KIF6: variants seen among roughly 807,000 people sequenced by gnomAD.
KIF6 encodes kinesin-like protein KIF6.
KIF6 carries 106 observed loss-of-function variants against 112.7 expected under a neutral mutation model. The observed-to-expected ratio is 0.94, with a 90% CI of 0.80 to 1.11. KIF6 has a LOEUF of 1.11. Ranked by LOEUF, KIF6 falls within the 50% of genes least tolerant of loss-of-function variation. KIF6 has a pLI of 0.00. For missense variants in KIF6, 929 were observed against 964.0 expected (o/e 0.96, Z 0.48); for synonymous variants, 339 against 339.9 (o/e 1.00, Z 0.03).
intron 9 of KIF6, among the ~76,000 whole-genome samples, chr6:39,584,249 C>T (rs971236557): frequency 6.6e-6 from 1 of 151,068 alleles, no homozygotes; most frequent in Non-Finnish European, 1.5e-5. Context: ...CAGTGAAACC[C>T]CGTCTCTACT....
At chr6:39,372,401 T>A (rs1320890904) in intron 16 of KIF6, among the ~76,000 whole-genome samples, 1 of 152,224 alleles carries the variant, frequency 6.6e-6, no homozygotes, top group Non-Finnish European at 1.5e-5. Flanking sequence ...AATTTTCTGT[T>A]TTCACCTTTA....
At chr6:39,550,118 A>G (rs936238077) in intron 10 of KIF6, among the ~76,000 whole-genome samples, 5 of 152,206 alleles carry the variant, frequency 3.3e-5, no homozygotes, top group Non-Finnish European at 5.9e-5. Flanking sequence ...TTTTATGATT[A>G]TGTTATGTTT....
In KIF6 at chr6:39,402,394, G is replaced by A. The variant is rs80249440; in HGVS notation, c.1811-16722C>T. Among the ~76,000 whole-genome samples the A allele has an allele frequency of 8.4e-3, 1,285 of 152,264 alleles. 18 individuals are homozygous for A. The highest frequency in any genetic ancestry group is 0.027 in the Middle Eastern group (8 of 294). On this transcript the variant is annotated intron_variant, in intron 15 of 22. Coordinates refer to ENST00000287152, the MANE Select transcript of KIF6 (RefSeq NM_145027.6). ...GCTGTGCCCGGCAGAAACTTGCAGT[G>A]ATTTAGGAAGTCAGGGAGAGACATT... is the stretch of plus-strand genomic sequence containing the variant.
chr6:39,356,682 G>A (rs1764715705), intron 19 of KIF6, among the ~76,000 whole-genome samples: 1 of 152,150 alleles, frequency 6.6e-6, no homozygotes, highest in South Asian at 2.1e-4. Flanking sequence ...ATACTATCCT[G>A]GCCTCTGGCA....
intron 6 of KIF6, among the ~76,000 whole-genome samples, chr6:39,602,190 A>T (rs1479785468): frequency 6.6e-6 from 1 of 152,126 alleles, no homozygotes; most frequent in Non-Finnish European, 1.5e-5. Flanking sequence ...TAGGGCTTGT[A>T]TCAAAAATAT....
intron 6 of KIF6, among the ~76,000 whole-genome samples, chr6:39,606,290 C>A (rs577277467): frequency 2.6e-5 from 4 of 151,952 alleles, no homozygotes; most frequent in African/African-American, 9.6e-5. Context: ...TTGGGCTCTT[C>A]TATAATATTA....
At chr6:39,523,714 T>C (rs1244009846) in intron 13 of KIF6, among the ~76,000 whole-genome samples, 1 of 133,044 alleles carries the variant, frequency 7.5e-6, no homozygotes, top group Non-Finnish European at 1.6e-5. Flanking sequence ...TCTTTGAAGA[T>C]GTTGTTCAAC....
intron 3 of KIF6, among the ~76,000 whole-genome samples, chr6:39,694,123 G>A (rs1788386507): frequency 2.9e-5 from 2 of 68,026 alleles, no homozygotes; most frequent in Non-Finnish European, 3.9e-5. Context: ...ATCCCTTCAT[G>A]GTAAAAAAAA....
chr6:39,526,606 C>G (rs1314096655), intron 13 of KIF6, among the ~76,000 whole-genome samples: 4 of 152,210 alleles, frequency 2.6e-5, no homozygotes. Flanking sequence ...TTCTCTCTCT[C>G]CCCCACAACC....
intron 10 of KIF6, among the ~76,000 whole-genome samples, chr6:39,562,458 C>T (rs1780058034): frequency 6.6e-6 from 1 of 152,092 alleles, no homozygotes; most frequent in African/African-American, 2.4e-5. Context: ...TACAGCATTC[C>T]AGATAGGCCT....
At chr6:39,393,410 T>G (rs372710629) in intron 15 of KIF6, among the ~76,000 whole-genome samples, 2 of 152,220 alleles carry the variant, frequency 1.3e-5, no homozygotes, top group South Asian at 4.1e-4. Context: ...ACAGCATTTG[T>G]GCTGTGACAA....
chr6:39,621,640 A>C (rs772846670), intron 5 of KIF6, among the ~76,000 whole-genome samples: 6 of 152,228 alleles, frequency 3.9e-5, no homozygotes, highest in Non-Finnish European at 7.3e-5. Flanking sequence ...ATGAATGAAC[A>C]AATGTGCTTA....
chr6:39,381,599 T>C (rs1766954596), intron 16 of KIF6, among the ~76,000 whole-genome samples: 3 of 152,152 alleles, frequency 2.0e-5, no homozygotes, highest in Admixed American at 2.0e-4. Context: ...GCAATCTGTC[T>C]TGAGAGGTTT....
chr6:39,417,670 C>G (rs752129274), intron 15 of KIF6, among the ~76,000 whole-genome samples: 7 of 152,136 alleles, frequency 4.6e-5, no homozygotes, highest in Non-Finnish European at 7.3e-5. Flanking sequence ...ATGTGGCAAA[C>G]TTGCTCCACC....
intron 13 of KIF6, among the ~76,000 whole-genome samples, chr6:39,443,832 T>C (rs1307690616): frequency 3.9e-5 from 6 of 152,244 alleles, no homozygotes; most frequent in Non-Finnish European, 7.3e-5. Flanking sequence ...TGTATGGATT[T>C]AAGTAAAATT....
chr6:39,510,973 T>C (rs970111407), intron 13 of KIF6, among the ~76,000 whole-genome samples: 2 of 150,838 alleles, frequency 1.3e-5, no homozygotes, highest in African/African-American at 4.9e-5. Context: ...AGAAGGCCAT[T>C]ACATAATGAT....
intron 13 of KIF6, among the ~76,000 whole-genome samples, chr6:39,478,192 C>T (rs938490194): frequency 2.6e-5 from 4 of 151,914 alleles, no homozygotes; most frequent in Non-Finnish European, 4.4e-5. Context: ...ATCTGTTACC[C>T]CCCTTTCACC....
chr6:39,715,397 G>C (rs958735270), intron 2 of KIF6, among the ~76,000 whole-genome samples: 1 of 152,114 alleles, frequency 6.6e-6, no homozygotes, highest in Non-Finnish European at 1.5e-5. Flanking sequence ...TAGGGGAAGA[G>C]AGTGGAGGTG....
intron 7 of KIF6, among the ~76,000 whole-genome samples, chr6:39,592,579 T>C (rs1782011797): frequency 6.6e-6 from 1 of 152,230 alleles, no homozygotes; most frequent in Non-Finnish European, 1.5e-5. Context: ...ACTTGATGTT[T>C]GGGCTGATAG....
Sources: allele counts gnomAD v4.1 joint callset (sites outside exome capture counted in the v4.1 genomes callset), GRCh38; gene constraint gnomAD v4.1.1; transcripts MANE v1.5; gene names NCBI Gene and HGNC (gene_info 2026-07-23, HGNC 2026-07-21).